AMOTL1: variants seen among roughly 807,000 people sequenced by gnomAD.
AMOTL1 encodes angiomotin-like protein 1.
AMOTL1 carries 45 observed loss-of-function variants against 102.9 expected under a neutral mutation model. That is an observed-to-expected ratio of 0.44 (90% CI 0.34 to 0.56). The LOEUF (loss-of-function observed/expected upper bound fraction) is 0.56. AMOTL1 is among the 20% of genes least tolerant of loss of function. The probability of loss-of-function intolerance (pLI) is 0.01; values close to 1 mark genes in which losing one functional copy is unlikely to be tolerated. For missense variants in AMOTL1, 1,114 were observed against 1,225.6 expected (o/e 0.91, Z 1.36); for synonymous variants, 481 against 484.7 (o/e 0.99, Z 0.10).
In AMOTL1 at chr11:94,859,699, A is replaced by G; in HGVS notation, c.2119A>G (p.Thr707Ala). 1 of 1,609,856 alleles carries G rather than the reference A, an allele frequency of 6.2e-7. No homozygotes were observed. The highest frequency in any genetic ancestry group is 8.5e-7 in the Non-Finnish European group (1 of 1,177,692). Residue 707 changes from threonine (T) to alanine (A), a missense_variant, in exon 9 of 13, where the codon ACT becomes GCT. Transcript: ENST00000433060. The stretch of plus-strand genomic sequence containing the variant: ...ACACTTTGCCATGAATGCCGCAGCC[A>G]CTGCAGCAGCTGAGAGGTGAGACCA... ...IRHFAMNAAA[T>A]AAAERDTTII... is the part of the protein sequence containing the mutation.
chr11:94,744,288 A>G (rs1003558074), intron 3 of AMOTL1, among the ~76,000 whole-genome samples: 2 of 152,214 alleles, frequency 1.3e-5, no homozygotes, highest in African/African-American at 4.8e-5. Context: ...TATGTTTACC[A>G]GGTTATTTTA....
chr11:94,770,462 G>C lies in AMOTL1; in HGVS notation c.49+1902G>C, dbSNP rs537420188. Among the ~76,000 whole-genome samples the C allele has an allele frequency of 1.2e-4, 18 of 152,236 alleles. No individual in the cohort carries two copies. In the South Asian group the frequency reaches 3.3e-3, roughly 28 times the overall value. On this transcript the variant is annotated intron_variant, in intron 1 of 12. Transcript: ENST00000433060. ...TTCCTTATGATGGTGGTGGGGGTTG[G>C]GGGGAGGGATGAGGATGTTTAGTTC...
intron 9 of AMOTL1, among the ~76,000 whole-genome samples, chr11:94,860,062 T>C (rs1408298579): frequency 3.3e-5 from 5 of 152,154 alleles, no homozygotes; most frequent in African/African-American, 1.2e-4. Context: ...GGAGGTTCAT[T>C]TAATAATTTA....
At chr11:94,772,259 AT>A (rs1478642948) in intron 1 of AMOTL1, among the ~76,000 whole-genome samples, 1 of 152,042 alleles carries the variant, frequency 6.6e-6, no homozygotes, top group African/African-American at 2.4e-5. Flanking sequence ...ACTTCTATGC[AT>A]TTTTTCATGT....
rs78594608 is a variant in AMOTL1 at position 94,831,239 on chromosome 11, G to T, written c.1559-213G>T. On this transcript the variant is annotated intron_variant, in intron 5 of 12. Coordinates refer to ENST00000433060, the MANE Select transcript of AMOTL1 (RefSeq NM_130847.3). ...GCCTGCTGCTCGTGCATATCATTTG[G>T]CATTAGATCGCATAAAGACACAGTG... Among the ~76,000 whole-genome samples, 51 of 152,240 alleles carry T rather than the reference G, an allele frequency of 3.3e-4. No homozygotes were observed. In the East Asian group the frequency reaches 9.1e-3, roughly 27 times the overall value.
At chr11:94,780,396 T>A (rs751712704) in intron 1 of AMOTL1, among the ~76,000 whole-genome samples, 1 of 152,218 alleles carries the variant, frequency 6.6e-6, no homozygotes, top group Non-Finnish European at 1.5e-5. Flanking sequence ...AACTGGACAT[T>A]TTAAGCTTAT....
At chr11:94,869,144 TAA>T (rs879037154) in intron 11 of AMOTL1, 52 bp from the exon 12 acceptor site, 1,768 of 1,212,680 alleles carry the variant, frequency 1.5e-3, no homozygotes, top group South Asian at 4.0e-3. Flanking sequence ...AGACTAGATT[TAA>T]AAAAAAAAAA....
chr11:94,757,757 G>C (rs1386485018), intron 3 of AMOTL1, among the ~76,000 whole-genome samples: 1 of 152,124 alleles, frequency 6.6e-6, no homozygotes, highest in Non-Finnish European at 1.5e-5. Flanking sequence ...CCCATGAGAT[G>C]GGAGGCAACA....
chr11:94,776,732 C>T (rs544970712), intron 1 of AMOTL1, among the ~76,000 whole-genome samples: 2 of 152,202 alleles, frequency 1.3e-5, no homozygotes, highest in Non-Finnish European at 2.9e-5. Flanking sequence ...GTGAAGCAGG[C>T]CTTTTCCTTT....
At chr11:94,727,682 C>CTGGATTTAT (rs1162398370) in intron 1 of AMOTL1, among the ~76,000 whole-genome samples, 38 of 152,272 alleles carry the variant, frequency 2.5e-4, no homozygotes, top group African/African-American at 8.2e-4. Context: ...GGGCTAAAAT[C>CTGGATTTAT]TGGATTTATT....
At chr11:94,825,907 G>A (rs889016944) in intron 4 of AMOTL1, among the ~76,000 whole-genome samples, 1 of 152,210 alleles carries the variant, frequency 6.6e-6, no homozygotes, top group African/African-American at 2.4e-5. Flanking sequence ...TTACTTGAAT[G>A]CTTCCAGAGA....
chr11:94,755,941 T>C (rs1950718564), intron 3 of AMOTL1, among the ~76,000 whole-genome samples: 1 of 152,240 alleles, frequency 6.6e-6, no homozygotes, highest in African/African-American at 2.4e-5. Flanking sequence ...CCAGAAAAAT[T>C]GGATCACACG....
At position 94,871,577 on chromosome 11, in the gene AMOTL1, C is replaced by G. The variant is rs1952997217; in HGVS notation, c.*782C>G. ...GGTATGGGATTTATGAGACCAGTAC[C>G]TGAACTGTCATCATTCCTACTGTGT... On this transcript the variant is annotated 3_prime_UTR_variant, in exon 13 of 13. Transcript: ENST00000433060. 1.3e-5 allele frequency: 2 copies of G among 152,028 alleles called. No individual in the cohort carries two copies. The highest frequency in any genetic ancestry group is 2.1e-4 in the South Asian group (1 of 4,816). The allele number at this position is 152,028 out of a possible 1,614,324, so 9.4% of individuals were successfully genotyped here.
At chr11:94,862,899 A>G (rs1295939982) in intron 9 of AMOTL1, among the ~76,000 whole-genome samples, 1 of 152,192 alleles carries the variant, frequency 6.6e-6, no homozygotes, top group Non-Finnish European at 1.5e-5. Flanking sequence ...GACACTTTGC[A>G]CTTTTCTGAG....
intron 3 of AMOTL1, among the ~76,000 whole-genome samples, chr11:94,805,532 C>G (rs1486256968): frequency 6.6e-6 from 1 of 152,118 alleles, no homozygotes; most frequent in Non-Finnish European, 1.5e-5. Context: ...TAGGCAGTAT[C>G]CATTTGGAAA....
At chr11:94,760,669 T>G (rs72971744) in intron 3 of AMOTL1, among the ~76,000 whole-genome samples, 1,821 of 152,312 alleles carry the variant, frequency 0.012, 17 homozygotes, top group Non-Finnish European at 0.02. Context: ...TGTTAACCCC[T>G]CTGTTATTGC....
At chr11:94,839,519 G>A (rs1952253124) in intron 6 of AMOTL1, among the ~76,000 whole-genome samples, 1 of 152,192 alleles carries the variant, frequency 6.6e-6, no homozygotes, top group South Asian at 2.1e-4. Context: ...AACTTATACT[G>A]AACTGCCATG....
At chr11:94,782,755 G>A (rs1203055692) in intron 1 of AMOTL1, among the ~76,000 whole-genome samples, 21 of 152,172 alleles carry the variant, frequency 1.4e-4, no homozygotes, top group Admixed American at 1.4e-3. Context: ...ATATTTGTAT[G>A]AGGACAAATA....
At chr11:94,818,744 GT>G (rs1951810113) in intron 3 of AMOTL1, among the ~76,000 whole-genome samples, 1 of 152,138 alleles carries the variant, frequency 6.6e-6, no homozygotes, top group Admixed American at 6.5e-5. Flanking sequence ...CGTCTCCAAA[GT>G]AATGTTTTTA....
Sources: allele counts gnomAD v4.1 joint callset (sites outside exome capture counted in the v4.1 genomes callset), GRCh38; gene constraint gnomAD v4.1.1; transcripts MANE v1.5; gene names NCBI Gene and HGNC (gene_info 2026-07-23, HGNC 2026-07-21).